The following FSTL5 variants were observed in gnomAD, a reference collection of about 807,000 sequenced individuals.
The protein encoded by FSTL5 is follistatin-related protein 5.
A neutral mutation model predicts 89.1 loss-of-function variants in FSTL5; 62 were observed. The observed-to-expected ratio is 0.70, with a 90% CI of 0.57 to 0.86. FSTL5 has a LOEUF of 0.86. FSTL5 is among the 40% of genes least tolerant of loss of function. The probability of loss-of-function intolerance (pLI) is 0.00; values close to 1 mark genes in which losing one functional copy is unlikely to be tolerated. For missense variants in FSTL5, 1,057 were observed against 1,001.6 expected (o/e 1.06, Z -0.75); for synonymous variants, 383 against 346.2 (o/e 1.11, Z -1.18).
At chr4:161,418,562 A>C (rs1731869390) in intron 15 of FSTL5, among the ~76,000 whole-genome samples, 1 of 152,200 alleles carries the variant, frequency 6.6e-6, no homozygotes, top group Non-Finnish European at 1.5e-5. Flanking sequence ...TAAATAAAAT[A>C]ATTATATTGC....
Position 161,745,666 on chromosome 4 carries a change from T to TA in FSTL5, c.727+13744dup, listed in dbSNP as rs983076655. ...TAAATGAAATGTGTCAAACTATAAGTAAAAAAAAAAAATCACTCATTGTAG... is the reference window on the plus strand; with the variant it reads ...TAAATGAAATGTGTCAAACTATAAGTAAAAAAAAAAAAATCACTCATTGTAG... On this transcript the variant is annotated intron_variant, in intron 6 of 15. Coordinates refer to ENST00000306100, the MANE Select transcript of FSTL5 (RefSeq NM_020116.5). Among the ~76,000 whole-genome samples, 122 of 145,298 alleles carry TA rather than the reference T, an allele frequency of 8.4e-4. 1 individual carries two copies. Among genetic ancestry groups the TA allele is most frequent in the East Asian group, 1.6e-3 (8 of 5,044 alleles).
At chr4:161,760,161 G>A (rs1037753127) in intron 5 of FSTL5, among the ~76,000 whole-genome samples, 1 of 152,162 alleles carries the variant, frequency 6.6e-6, no homozygotes, top group African/African-American at 2.4e-5. Flanking sequence ...CTATCCAGGC[G>A]TGAGTGAAGA....
intron 4 of FSTL5, among the ~76,000 whole-genome samples, chr4:161,914,116 G>A (rs192104950): frequency 1.9e-4 from 29 of 152,204 alleles, no homozygotes; most frequent in African/African-American, 6.7e-4. Flanking sequence ...AGAATTCCAC[G>A]TGCTGTGGGA....
chr4:161,870,333 T>G (rs1011300959), intron 4 of FSTL5, among the ~76,000 whole-genome samples: 1 of 151,844 alleles, frequency 6.6e-6, no homozygotes, highest in Non-Finnish European at 1.5e-5. Flanking sequence ...AAATATTATT[T>G]GTTCAATCAT....
intron 3 of FSTL5, among the ~76,000 whole-genome samples, chr4:161,947,950 T>G (rs974412613): frequency 6.6e-5 from 10 of 152,108 alleles, no homozygotes; most frequent in African/African-American, 2.4e-4. Flanking sequence ...CCATTTTAAA[T>G]GTTATTTTAC....
chr4:161,499,421 T>G (rs1431983278), intron 12 of FSTL5, among the ~76,000 whole-genome samples: 2 of 152,150 alleles, frequency 1.3e-5, no homozygotes, highest in African/African-American at 4.8e-5. Context: ...TGTTTTTCCT[T>G]TTTTTCATTC....
intron 13 of FSTL5, among the ~76,000 whole-genome samples, chr4:161,465,391 T>C (rs550502469): frequency 1.4e-4 from 21 of 152,236 alleles, no homozygotes; most frequent in African/African-American, 4.6e-4. Context: ...AAAAAAGCAT[T>C]AGTTATGTGC....
At chr4:161,766,898 TGATAGATCGATTGATAGATA>T (rs1407632216) in intron 5 of FSTL5, among the ~76,000 whole-genome samples, 2 of 123,390 alleles carry the variant, frequency 1.6e-5, no homozygotes, top group African/African-American at 6.8e-5. Context: ...AGACAATAGA[TGATAGATCGATTGATAGATA>T]GATAGATAGA....
At chr4:161,956,311 A>G (rs1443578959) in intron 3 of FSTL5, among the ~76,000 whole-genome samples, 1 of 151,846 alleles carries the variant, frequency 6.6e-6, no homozygotes, top group African/African-American at 2.4e-5. Flanking sequence ...GAATAAATAA[A>G]AGAAAATATA....
intron 10 of FSTL5, among the ~76,000 whole-genome samples, chr4:161,521,601 C>G (rs1333626790): frequency 2.6e-5 from 4 of 151,960 alleles, no homozygotes; most frequent in African/African-American, 9.7e-5. Context: ...CTAACCCCAG[C>G]ACTTTGAGAA....
chr4:161,751,072 T>A (rs1740375337), intron 6 of FSTL5, among the ~76,000 whole-genome samples: 3 of 152,144 alleles, frequency 2.0e-5, no homozygotes, highest in Non-Finnish European at 4.4e-5. Context: ...ATGTACCAGT[T>A]AGAGATCAGA....
At chr4:161,541,279 C>T (rs1283307627) in intron 9 of FSTL5, among the ~76,000 whole-genome samples, 1 of 152,086 alleles carries the variant, frequency 6.6e-6, no homozygotes, top group African/African-American at 2.4e-5. Flanking sequence ...CAAGCACCTT[C>T]TCTTTTCAAA....
intron 4 of FSTL5, among the ~76,000 whole-genome samples, chr4:161,835,398 G>T (rs1731003795): frequency 6.6e-6 from 1 of 152,046 alleles, no homozygotes; most frequent in Non-Finnish European, 1.5e-5. Context: ...CATAGGCAAG[G>T]ACTTCATGTC....
chr4:161,978,964 T>A (rs926085795), intron 3 of FSTL5, among the ~76,000 whole-genome samples: 2 of 152,172 alleles, frequency 1.3e-5, no homozygotes, highest in African/African-American at 4.8e-5. Flanking sequence ...ATAAACACAT[T>A]ATTTTTGTCT....
intron 7 of FSTL5, among the ~76,000 whole-genome samples, chr4:161,648,574 G>C (rs1228437545): frequency 6.6e-6 from 1 of 152,088 alleles, no homozygotes; most frequent in Non-Finnish European, 1.5e-5. Context: ...AATTCTCATC[G>C]TTCTAAAAAT....
At chr4:161,886,145 G>A (rs1438358456) in intron 4 of FSTL5, among the ~76,000 whole-genome samples, 1 of 152,104 alleles carries the variant, frequency 6.6e-6, no homozygotes, top group Admixed American at 6.5e-5. Flanking sequence ...ATCTGATTTG[G>A]GAGAGAGAAA....
At chr4:161,412,663 A>AAACAAAACCAAAACAC (rs1731634101) in intron 15 of FSTL5, among the ~76,000 whole-genome samples, 1 of 152,152 alleles carries the variant, frequency 6.6e-6, no homozygotes, top group African/African-American at 2.4e-5. Context: ...AAACAAAACA[A>AAACAAAACCAAAACAC]AACAAAACCA....
chr4:162,128,234 A>G (rs572550545), intron 1 of FSTL5, among the ~76,000 whole-genome samples: 122 of 152,312 alleles, frequency 8.0e-4, no homozygotes, highest in African/African-American at 2.6e-3. Flanking sequence ...GTAGAGCAAT[A>G]TGTCTAGATA....
intron 8 of FSTL5, among the ~76,000 whole-genome samples, chr4:161,562,006 C>T (rs375081766): frequency 2.6e-5 from 4 of 151,920 alleles, no homozygotes; most frequent in Non-Finnish European, 5.9e-5. Flanking sequence ...TGGTTCTGTC[C>T]AATGAGAGCC....
Sources: allele counts gnomAD v4.1 joint callset (sites outside exome capture counted in the v4.1 genomes callset), GRCh38; gene constraint gnomAD v4.1.1; transcripts MANE v1.5; gene names NCBI Gene and HGNC (gene_info 2026-07-23, HGNC 2026-07-21).